CDC123: variants seen among roughly 807,000 people sequenced by gnomAD.
CDC123 encodes the protein translation initiation factor eIF2 assembly protein.
A neutral mutation model predicts 54.4 loss-of-function variants in CDC123; 37 were observed. That is an observed-to-expected ratio of 0.68 (90% CI 0.52 to 0.89). CDC123 has a LOEUF of 0.89. Among genes scored for constraint, CDC123 ranks in the 40% least tolerant of loss-of-function variants. The pLI, the probability that CDC123 is intolerant of heterozygous loss-of-function variation, is 0.00. For missense variants in CDC123, 361 were observed against 412.1 expected (o/e 0.88, Z 1.07); for synonymous variants, 144 against 136.8 (o/e 1.05, Z -0.37).
chr10:12,198,511 T>C (rs780537260), intron 1 of CDC123, among the ~76,000 whole-genome samples, 194 bp from the exon 2 acceptor site: 1 of 152,188 alleles, frequency 6.6e-6, no homozygotes, highest in Non-Finnish European at 1.5e-5. Context: ...ACAAAGACCA[T>C]TGTGGCAATA....
chr10:12,228,571 A>G (rs1835859065), intron 6 of CDC123, among the ~76,000 whole-genome samples: 1 of 151,340 alleles, frequency 6.6e-6, no homozygotes, highest in Admixed American at 6.6e-5. Context: ...AGGCCTGGCT[A>G]ATGTTTTTCT....
At position 12,230,955 on chromosome 10, in the gene CDC123, C is replaced by A; in HGVS notation, c.448C>A (p.His150Asn). 6.2e-7 allele frequency: 1 copy of A among 1,611,678 alleles called. No individual in the cohort carries two copies. Among genetic ancestry groups the A allele is most frequent in the Middle Eastern group, 1.7e-4 (1 of 6,048 alleles). ...ITRDFTQPFIHCTDDSPDPCI... is the reference protein window; with the variant it reads ...ITRDFTQPFINCTDDSPDPCI... ...TTTCTTCTTCTTCCAAAGGTTTATTCATTGTACTGATGATTCTCCAGATCC... is the reference window on the plus strand; with the variant it reads ...TTTCTTCTTCTTCCAAAGGTTTATTAATTGTACTGATGATTCTCCAGATCC... Residue 150 changes from histidine (H) to asparagine (N), a missense_variant, in exon 7 of 13, where the codon CAT becomes AAT. By Grantham distance (68) the His-to-Asn change is moderately conservative (BLOSUM62 1). Coordinates refer to ENST00000281141, the MANE Select transcript of CDC123 (RefSeq NM_006023.3).
In CDC123 at chr10:12,232,067, G is replaced by A. The variant is rs551257483; in HGVS notation, c.489+1071G>A. 2.4e-3 allele frequency among the ~76,000 whole-genome samples: 364 copies of A among 151,944 alleles called. 1 individual carries two copies. Among genetic ancestry groups the A allele is most frequent in the Non-Finnish European group, 4.0e-3 (270 of 67,976 alleles). On this transcript the variant is annotated intron_variant, in intron 7 of 12. Coordinates refer to ENST00000281141, the MANE Select transcript of CDC123 (RefSeq NM_006023.3). ...TCACCATGTTGGCCAGGCTGGTCTC[G>A]AACTCCTGACCTCAAGTGAAACGCC...
At chr10:12,206,425 T>C (rs1835519974) in intron 2 of CDC123, among the ~76,000 whole-genome samples, 1 of 152,212 alleles carries the variant, frequency 6.6e-6, no homozygotes, top group Non-Finnish European at 1.5e-5. Context: ...ACGCTGACAG[T>C]GTGTTAGTAT....
At chr10:12,200,520 A>G (rs950786587) in intron 2 of CDC123, among the ~76,000 whole-genome samples, 2 of 152,248 alleles carry the variant, frequency 1.3e-5, no homozygotes, top group African/African-American at 2.4e-5. Context: ...AATAGCTTTT[A>G]ATATTAGAAA....
intron 6 of CDC123, among the ~76,000 whole-genome samples, chr10:12,225,212 C>T (rs144645586): frequency 2.6e-5 from 4 of 152,086 alleles, no homozygotes; most frequent in African/African-American, 4.8e-5. Context: ...CTGACCAACT[C>T]GATGAAACCC....
chr10:12,210,036 A>G lies in CDC123; in HGVS notation c.204+12A>G, dbSNP rs749867247. 1 of 1,613,286 alleles carries G rather than the reference A, an allele frequency of 6.2e-7. No homozygotes were observed. The highest frequency in any genetic ancestry group is 8.5e-7 in the Non-Finnish European group (1 of 1,179,188). ...CAGAAGAAATACAGGTTGGTACCAA[A>G]TAAAATAATCTGTTCTGTAGACTGT... On this transcript the variant is annotated intron_variant, in intron 3 of 12. Coordinates refer to ENST00000281141, the MANE Select transcript of CDC123 (RefSeq NM_006023.3).
At chr10:12,243,347 G>A (rs1419731970) in intron 10 of CDC123, among the ~76,000 whole-genome samples, 1 of 147,122 alleles carries the variant, frequency 6.8e-6, no homozygotes, top group Non-Finnish European at 1.5e-5. Context: ...GCAGTGAGCC[G>A]AGATCTCACC....
intron 8 of CDC123, among the ~76,000 whole-genome samples, chr10:12,236,483 C>T (rs189113609): frequency 7.6e-4 from 115 of 152,014 alleles, no homozygotes; most frequent in Non-Finnish European, 1.5e-3. Context: ...CCTGTAGTCC[C>T]GGCTACTCGG....
intron 4 of CDC123, among the ~76,000 whole-genome samples, chr10:12,211,083 C>T (rs1335297062): frequency 6.6e-6 from 1 of 152,104 alleles, no homozygotes. Context: ...CAGTGTTTTA[C>T]ATAAAAATGT....
At chr10:12,238,343 T>A in intron 9 of CDC123, 114 bp from the exon 10 acceptor site, 1 of 1,205,922 alleles carries the variant, frequency 8.3e-7, no homozygotes, top group South Asian at 1.4e-5. Context: ...CATGAAGTCC[T>A]CAGGGTCATT....
intron 6 of CDC123, 36 bp downstream of exon 6, chr10:12,217,503 AG>A: frequency 6.2e-7 from 1 of 1,600,056 alleles, no homozygotes; most frequent in South Asian, 1.1e-5. Flanking sequence ...CAATAGTTTC[AG>A]TATTTGTGCA....
intron 6 of CDC123, among the ~76,000 whole-genome samples, chr10:12,222,952 C>T (rs1835756456): frequency 6.6e-6 from 1 of 151,608 alleles, no homozygotes; most frequent in Non-Finnish European, 1.5e-5. Flanking sequence ...AGTGCAGTGG[C>T]GTGATCGTGG....
In CDC123 at chr10:12,217,404, C is replaced by A; in HGVS notation, c.377C>A (p.Thr126Asn). 1 of 1,613,948 alleles carries A rather than the reference C, an allele frequency of 6.2e-7. No individual in the cohort carries two copies. The highest frequency in any genetic ancestry group is 8.5e-7 in the Non-Finnish European group (1 of 1,179,914). ...ATGAATAGTTCTCTGAAATGTAAAA[C>A]CCTCAGCGACATCTTTCTGCTTTTC... Reference protein sequence around the residue: ...IAMNSSLKCKTLSDIFLLFKS... With the variant: ...IAMNSSLKCKNLSDIFLLFKS... The change falls in exon 6 of 13, where the codon ACC (threonine) becomes AAC (asparagine). Residue 126 changes from threonine (T) to asparagine (N), a missense_variant. By Grantham distance (65) the Thr-to-Asn change is moderately conservative. Transcript: ENST00000281141.
intron 6 of CDC123, among the ~76,000 whole-genome samples, chr10:12,218,802 T>A (rs1302939068): frequency 6.6e-6 from 1 of 152,210 alleles, no homozygotes. Context: ...ACTCTATAGC[T>A]AAAGAATTTG....
intron 2 of CDC123, among the ~76,000 whole-genome samples, chr10:12,206,763 C>G (rs1835526395): frequency 6.6e-6 from 1 of 152,018 alleles, no homozygotes; most frequent in Non-Finnish European, 1.5e-5. Flanking sequence ...TCGAGACCAT[C>G]CTGGCCAACA....
At chr10:12,213,733 A>G (rs989327405) in intron 4 of CDC123, among the ~76,000 whole-genome samples, 4 of 152,204 alleles carry the variant, frequency 2.6e-5, no homozygotes, top group Admixed American at 2.6e-4. Flanking sequence ...TATTTAACTC[A>G]TGAGGGAACC....
chr10:12,219,283 T>C (rs1346652941), intron 6 of CDC123, among the ~76,000 whole-genome samples: 1 of 152,214 alleles, frequency 6.6e-6, no homozygotes, highest in Non-Finnish European at 1.5e-5. Flanking sequence ...TACATGTTTA[T>C]TGTATAAGGA....
chr10:12,237,086 T>C (rs113913979), intron 8 of CDC123, 58 bp from the exon 9 acceptor site: 1 of 1,447,602 alleles, frequency 6.9e-7, no homozygotes, highest in East Asian at 2.6e-5. Flanking sequence ...AAATCACGTA[T>C]TGATGTTTTT....
Sources: allele counts gnomAD v4.1 joint callset (sites outside exome capture counted in the v4.1 genomes callset), GRCh38; gene constraint gnomAD v4.1.1; transcripts MANE v1.5; gene names NCBI Gene and HGNC (gene_info 2026-07-23, HGNC 2026-07-21).